ZRANB1: variants seen among roughly 807,000 people sequenced by gnomAD.
ZRANB1 encodes ubiquitin thioesterase ZRANB1.
Under a neutral mutation model 80.5 loss-of-function variants are expected in ZRANB1, and 16 were observed. The ratio of observed to expected loss-of-function variants is 0.20; its 90% CI spans 0.13 to 0.30. ZRANB1 has a LOEUF of 0.30. Ranked by LOEUF, ZRANB1 falls within the 10% of genes least tolerant of loss-of-function variation. The probability of loss-of-function intolerance (pLI) is 1.00; values close to 1 mark genes in which losing one functional copy is unlikely to be tolerated. For missense variants in ZRANB1, 576 were observed against 862.6 expected, an observed-to-expected ratio of 0.67 and a Z score of 4.16; for synonymous variants, 291 against 293.1, an observed-to-expected ratio of 0.99 and a Z score of 0.07.
the ZRANB1 span, among the ~76,000 whole-genome samples, chr10:124,918,890 A>G: frequency 6.6e-6 from 1 of 152,088 alleles, no homozygotes; most frequent in Non-Finnish European, 1.5e-5. Flanking sequence ...CAGTAATGAC[A>G]TTTTGCTCTT....
intron 2 of ZRANB1, among the ~76,000 whole-genome samples, 155 bp from the exon 3 acceptor site, chr10:124,971,810 A>G (rs1951828360): frequency 6.6e-6 from 1 of 152,244 alleles, no homozygotes; most frequent in Non-Finnish European, 1.5e-5. Context: ...ATTCTGGTAT[A>G]TACTTTCATT....
intron 2 of ZRANB1, among the ~76,000 whole-genome samples, chr10:124,968,508 G>A (rs1951794809): frequency 6.6e-6 from 1 of 152,180 alleles, no homozygotes; most frequent in Non-Finnish European, 1.5e-5. Flanking sequence ...TTGAGTATAA[G>A]GGAGAAGGGA....
At chr10:124,961,947 C>A (rs182226798) in intron 1 of ZRANB1, among the ~76,000 whole-genome samples, 34 of 152,192 alleles carry the variant, frequency 2.2e-4, no homozygotes, top group African/African-American at 7.2e-4. Flanking sequence ...GAAAATACAA[C>A]CAGGAGGTGT....
At chr10:124,982,492 G>C (rs1376107713) in intron 6 of ZRANB1, among the ~76,000 whole-genome samples, 5 of 152,162 alleles carry the variant, frequency 3.3e-5, no homozygotes, top group African/African-American at 1.2e-4. Context: ...AACTGTGTAG[G>C]GTTGTCCCTT....
intron 1 of ZRANB1, among the ~76,000 whole-genome samples, chr10:124,946,808 C>T (rs1951588985): frequency 1.3e-5 from 2 of 152,148 alleles, no homozygotes; most frequent in South Asian, 4.1e-4. Flanking sequence ...GTAAGACTAA[C>T]AGAAGTTCAC....
At position 124,942,970 on chromosome 10, in the gene ZRANB1, A is replaced by G. The variant is rs773667730; in HGVS notation, c.477A>G (p.Thr159=). 3 of 1,614,140 alleles carry G rather than the reference A, an allele frequency of 1.9e-6. No individual in the cohort carries two copies. The African/African-American group carries it at 4.0e-5, about 22-fold the overall frequency. Residue 159 remains threonine, a synonymous_variant, in exon 1 of 9, where the codon ACA becomes ACG. Transcript: ENST00000359653. ...AGCACTGGACTTGCTCTGTTTGCAC[A>G]TATGAAAACTGGGCCAAGGCTAAAA... ...RTQHWTCSVC[T]YENWAKAKRC... is the part of the protein sequence containing the mutation.
chr10:124,963,550 G>GTTTTTTTTT (rs1564962032), intron 1 of ZRANB1, among the ~76,000 whole-genome samples: 2 of 75,164 alleles, frequency 2.7e-5, no homozygotes, highest in East Asian at 4.0e-4. Context: ...TTTTTTTTTT[G>GTTTTTTTTT]TTTGTTTTTT....
At chr10:124,948,665 T>A (rs1276489894) in intron 1 of ZRANB1, among the ~76,000 whole-genome samples, 1 of 152,150 alleles carries the variant, frequency 6.6e-6, no homozygotes, top group Non-Finnish European at 1.5e-5. Flanking sequence ...CCCTGTCCAT[T>A]ATCCCTCCCC....
the ZRANB1 span, among the ~76,000 whole-genome samples, chr10:124,931,588 C>G: frequency 6.6e-6 from 1 of 152,154 alleles, no homozygotes; most frequent in African/African-American, 2.4e-5. Flanking sequence ...CCAGGCTGGT[C>G]TTGAGCTCCT....
chr10:124,924,206 C>A, the ZRANB1 span, among the ~76,000 whole-genome samples: 1 of 150,980 alleles, frequency 6.6e-6, no homozygotes, highest in East Asian at 1.9e-4. Context: ...CGCACCTGGC[C>A]ATAATGTGGG....
the ZRANB1 span, among the ~76,000 whole-genome samples, chr10:124,927,827 A>G: frequency 6.6e-6 from 1 of 152,174 alleles, no homozygotes; most frequent in Non-Finnish European, 1.5e-5. Context: ...ACTTGAGGCC[A>G]GGAGTTGGAG....
At chr10:124,927,416 C>G in the ZRANB1 span, among the ~76,000 whole-genome samples, 1 of 152,282 alleles carries the variant, frequency 6.6e-6, no homozygotes, top group Middle Eastern at 3.4e-3. Context: ...GACATCACTT[C>G]TGTGATTTTT....
In ZRANB1 at chr10:124,966,823, A is replaced by G. The variant is rs538279124; in HGVS notation, c.1002+42A>G. 5 of 1,538,444 alleles carry G rather than the reference A, an allele frequency of 3.3e-6. No individual in the cohort carries two copies. The East Asian group carries it at 1.1e-4, about 35-fold the overall frequency. ...GGTTAAATGTTCTTTTATATTAAAG[A>G]AACCTGTTCTTTAGTTTTCATTTTT... On this transcript the variant is annotated intron_variant, in intron 2 of 8. Transcript: ENST00000359653.
the ZRANB1 span, among the ~76,000 whole-genome samples, chr10:124,936,820 C>T: frequency 2.6e-5 from 4 of 152,088 alleles, no homozygotes; most frequent in East Asian, 1.9e-4. Context: ...TTTTAGCTTT[C>T]GTCTTTATAT....
At chr10:124,975,623 A>G (rs558398044) in intron 5 of ZRANB1, among the ~76,000 whole-genome samples, 116 of 152,318 alleles carry the variant, frequency 7.6e-4, no homozygotes, top group Non-Finnish European at 1.3e-3. Context: ...TTCTTTGAAC[A>G]TTATCTCATT....
At chr10:124,919,678 T>G in the ZRANB1 span, among the ~76,000 whole-genome samples, 6 of 150,212 alleles carry the variant, frequency 4.0e-5, no homozygotes, top group Non-Finnish European at 8.9e-5. Context: ...GTGGCGCGAT[T>G]TCCGCTCACT....
At chr10:124,944,499 G>A (rs999896388) in intron 1 of ZRANB1, among the ~76,000 whole-genome samples, 11 of 22,614 alleles carry the variant, frequency 4.9e-4, no homozygotes, top group African/African-American at 1.0e-3. Flanking sequence ...CCCCCCCCCC[G>A]CCCCAAGATG....
intron 1 of ZRANB1, among the ~76,000 whole-genome samples, chr10:124,944,914 T>G (rs1276264385): frequency 6.6e-6 from 1 of 152,044 alleles, no homozygotes; most frequent in Non-Finnish European, 1.5e-5. Flanking sequence ...TTTCCTCCCA[T>G]CCTGAGGATG....
chr10:124,939,943 CAA>C (rs1183571225), upstream of ZRANB1, among the ~76,000 whole-genome samples: 1 of 146,760 alleles, frequency 6.8e-6, no homozygotes, highest in East Asian at 2.0e-4. Flanking sequence ...AAAATTTAAA[CAA>C]GATAATTTTA....
Sources: gnomAD v4.1 joint callset for allele counts (sites outside exome capture counted in the v4.1 genomes callset) on GRCh38, gnomAD v4.1.1 for gene constraint, MANE v1.5 for transcripts, NCBI Gene and HGNC (gene_info 2026-07-23, HGNC 2026-07-21) for gene names.